DAPK2: variants seen among roughly 807,000 people sequenced by gnomAD.
DAPK2 encodes the protein death-associated protein kinase 2.
DAPK2 carries 35 observed loss-of-function variants against 44.1 expected under a neutral mutation model. The ratio of observed to expected loss-of-function variants is 0.79; its 90% confidence interval spans 0.61 to 1.05. The LOEUF (loss-of-function observed/expected upper bound fraction) is 1.05. Ranked by LOEUF, DAPK2 falls within the 50% of genes least tolerant of loss-of-function variation. The pLI is 0.00. For synonymous variants in DAPK2, 174 were observed against 182.6 expected (o/e 0.95, Z 0.38); for missense variants, 453 against 483.2 (o/e 0.94, Z 0.59).
rs552339014 is a variant in DAPK2 at position 64,020,230 on chromosome 15, G to C, written c.92+19940C>G. Among the ~76,000 whole-genome samples the C allele has an allele frequency of 6.6e-6, 1 of 152,344 alleles. No homozygotes were observed. Among genetic ancestry groups the C allele is most frequent in the East Asian group, 1.9e-4 (1 of 5,190 alleles). The stretch of plus-strand genomic sequence containing the variant: ...GAAACTGAGGACTTGCCTAAGCACA[G>C]GCAGCTCCAGAGCCAAAGCCAGGAC... On this transcript the variant is annotated intron_variant, in intron 1 of 10. Transcript: ENST00000261891. The surrounding 1 kb of genome is among the most constrained non-coding windows in gnomAD (Gnocchi z 4.5).
intron 1 of DAPK2, among the ~76,000 whole-genome samples, chr15:63,996,135 G>A (rs1445266300): frequency 6.6e-6 from 1 of 152,142 alleles, no homozygotes; most frequent in Non-Finnish European, 1.5e-5. Context: ...TGGGGAGCTG[G>A]TTAAAAATTC....
intron 1 of DAPK2, among the ~76,000 whole-genome samples, chr15:64,018,515 G>T (rs1268206801): frequency 6.6e-6 from 1 of 152,126 alleles, no homozygotes; most frequent in African/African-American, 2.4e-5. Flanking sequence ...GCAACAAATG[G>T]CCTCCCCCAT....
Position 63,990,050 on chromosome 15 carries a change from G to T in DAPK2, c.93-6296C>A, listed in dbSNP as rs1189050281. Among the ~76,000 whole-genome samples the T allele has an allele frequency of 6.6e-6, 1 of 152,138 alleles. No homozygotes were observed. Among genetic ancestry groups the T allele is most frequent in the East Asian group, 1.9e-4 (1 of 5,196 alleles). On this transcript the variant is annotated intron_variant, in intron 1 of 10. Transcript: ENST00000261891. The surrounding 1 kb of genome is among the most constrained non-coding windows in gnomAD (Gnocchi z 4.3). ...ACCCCTTACGGCCTGCATCAAGGTA[G>T]ACCACTCGCACTGCCACCCACCCTC...
chr15:63,927,963 G>A (rs2079357157), intron 6 of DAPK2, among the ~76,000 whole-genome samples: 1 of 152,056 alleles, frequency 6.6e-6, no homozygotes, highest in Admixed American at 6.6e-5. Context: ...TGCCCAGGCT[G>A]GTCTTGAACT....
At chr15:63,907,249 GA>G (rs1303681888) in exon 11 of DAPK2, 1 of 151,956 alleles carries the variant, frequency 6.6e-6, no homozygotes, top group African/African-American at 2.4e-5. Context: ...CCATATCAGT[GA>G]GCTCATTTTA....
chr15:63,958,913 G>C (rs2077806197), intron 3 of DAPK2, among the ~76,000 whole-genome samples: 1 of 152,242 alleles, frequency 6.6e-6, no homozygotes. Flanking sequence ...AGCTTGATGG[G>C]GATGGCATTG....
chr15:63,993,817 G>C (rs2078879292), intron 1 of DAPK2, among the ~76,000 whole-genome samples: 1 of 152,056 alleles, frequency 6.6e-6, no homozygotes, highest in Non-Finnish European at 1.5e-5. Context: ...GCCAATCCCT[G>C]TTAGAGTCTC....
chr15:63,952,267 G>A (rs2077610042), intron 3 of DAPK2, among the ~76,000 whole-genome samples: 1 of 152,152 alleles, frequency 6.6e-6, no homozygotes, highest in Non-Finnish European at 1.5e-5. Context: ...TTTGTACAAA[G>A]AACAACGGAA....
chr15:63,977,076 C>A (rs28429075), intron 2 of DAPK2, among the ~76,000 whole-genome samples: 1 of 148,380 alleles, frequency 6.7e-6, no homozygotes, highest in African/African-American at 2.5e-5. Context: ...TCCAACATAT[C>A]AATGGCATCA....
intron 3 of DAPK2, among the ~76,000 whole-genome samples, chr15:63,955,324 A>G (rs2077693880): frequency 6.6e-6 from 1 of 152,178 alleles, no homozygotes; most frequent in African/African-American, 2.4e-5. Flanking sequence ...GATATTTATC[A>G]TGTGGGGATG....
intron 4 of DAPK2, chr15:63,935,995 C>T (rs1318408518): frequency 2.6e-5 from 4 of 152,200 alleles, no homozygotes; most frequent in Non-Finnish European, 5.9e-5. Flanking sequence ...TCATTTTTGA[C>T]ACCTCTTGTT....
chr15:63,974,772 C>T (rs1486387980), intron 2 of DAPK2, among the ~76,000 whole-genome samples: 2 of 152,086 alleles, frequency 1.3e-5, no homozygotes, highest in Non-Finnish European at 2.9e-5. Context: ...CTTTGCAGGG[C>T]CATTTCAAAA....
chr15:64,001,799 A>T (rs1237725977), intron 1 of DAPK2, among the ~76,000 whole-genome samples: 2 of 152,176 alleles, frequency 1.3e-5, no homozygotes, highest in African/African-American at 4.8e-5. Flanking sequence ...ATCCACATAC[A>T]CATTAAAGTT....
intron 1 of DAPK2, among the ~76,000 whole-genome samples, chr15:63,993,934 C>G (rs184893673): frequency 7.7e-4 from 117 of 152,136 alleles, no homozygotes; most frequent in Non-Finnish European, 1.3e-3. Flanking sequence ...GGTTTCCTAC[C>G]GCACAGGGCC....
At chr15:64,022,927 T>C (rs1184446355) in intron 1 of DAPK2, among the ~76,000 whole-genome samples, 1 of 152,154 alleles carries the variant, frequency 6.6e-6, no homozygotes, top group Non-Finnish European at 1.5e-5. Flanking sequence ...AATTCTAAGA[T>C]AGCATGATGA....
chr15:64,010,808 G>A (rs1175130060), intron 1 of DAPK2, among the ~76,000 whole-genome samples: 2 of 152,208 alleles, frequency 1.3e-5, no homozygotes, highest in African/African-American at 4.8e-5. Context: ...ATGTCAGTGG[G>A]TGGGGTGGGT....
intron 1 of DAPK2, among the ~76,000 whole-genome samples, chr15:64,010,098 G>A (rs764252116): frequency 3.9e-5 from 6 of 152,206 alleles, no homozygotes; most frequent in Non-Finnish European, 7.3e-5. Flanking sequence ...CCCGAGACCA[G>A]TAAGATCAGG....
intron 6 of DAPK2, among the ~76,000 whole-genome samples, chr15:63,928,823 A>G (rs2079403069): frequency 6.6e-6 from 1 of 152,118 alleles, no homozygotes; most frequent in African/African-American, 2.4e-5. Context: ...AGTGAGAGGA[A>G]GAAAAGGGGA....
chr15:63,930,543 A>G (rs2079513216), intron 4 of DAPK2, 88 bp from the exon 6 acceptor site: 24 of 1,210,524 alleles, frequency 2.0e-5, no homozygotes, highest in Non-Finnish European at 2.9e-5. Context: ...TTGGTGCCAA[A>G]TATCTCCATC....
Sources: allele counts gnomAD v4.1 joint callset (sites outside exome capture counted in the v4.1 genomes callset), GRCh38; gene constraint gnomAD v4.1.1; non-coding constraint Gnocchi (gnomAD v3.1); transcripts MANE v1.5; gene names NCBI Gene and HGNC (gene_info 2026-07-23, HGNC 2026-07-21).